Variants in RNLS observed in about 807,000 individuals in gnomAD.
RNLS encodes renalase.
A neutral mutation model predicts 39.8 loss-of-function variants in RNLS; 39 were observed. The ratio of observed to expected loss-of-function variants is 0.98; its 90% CI spans 0.76 to 1.28. RNLS has a LOEUF of 1.28. RNLS is among the 50% of genes most tolerant of loss of function. The pLI is 0.00. For missense variants in RNLS, 410 were observed against 413.3 expected (o/e 0.99, Z 0.07); for synonymous variants, 147 against 150.7 (o/e 0.98, Z 0.18).
At chr10:88,517,900 T>C (rs1412213380) in intron 4 of RNLS, among the ~76,000 whole-genome samples, 1 of 151,962 alleles carries the variant, frequency 6.6e-6, no homozygotes, top group Non-Finnish European at 1.5e-5. Context: ...ATAAATAGAT[T>C]ATAGCTCTGG....
intron 4 of RNLS, among the ~76,000 whole-genome samples, chr10:88,428,646 T>TA (rs200172282): frequency 0.025 from 3,857 of 152,096 alleles, 133 homozygotes; most frequent in South Asian, 0.11. Context: ...AGAGATCCAT[T>TA]ACTTTACCCC....
the RNLS span, among the ~76,000 whole-genome samples, chr10:88,221,141 C>T: frequency 6.6e-6 from 1 of 152,214 alleles, no homozygotes. Flanking sequence ...CCTTTGCAGT[C>T]CCACTTGTCC....
At chr10:88,246,526 T>C in the RNLS span, among the ~76,000 whole-genome samples, 4 of 150,618 alleles carry the variant, frequency 2.7e-5, no homozygotes, top group South Asian at 6.4e-4. Flanking sequence ...TTTGCAGCAG[T>C]TGTTCTGAAC....
At chr10:88,203,564 A>G in the RNLS span, among the ~76,000 whole-genome samples, 1 of 148,528 alleles carries the variant, frequency 6.7e-6, no homozygotes, top group Non-Finnish European at 1.5e-5. Flanking sequence ...TTACATCAGA[A>G]TTACACAGGA....
intron 4 of RNLS, among the ~76,000 whole-genome samples, chr10:88,556,371 C>T (rs779462401): frequency 1.3e-4 from 20 of 152,174 alleles, no homozygotes; most frequent in Non-Finnish European, 2.6e-4. Context: ...TAGTCCATGC[C>T]ACCATCATTT....
chr10:88,196,008 A>G, the RNLS span, among the ~76,000 whole-genome samples: 2 of 152,098 alleles, frequency 1.3e-5, no homozygotes, highest in African/African-American at 2.4e-5. Context: ...TGCAGTTAGG[A>G]TGGCGTCTGT....
At chr10:88,557,003 G>T (rs1318119974) in intron 4 of RNLS, among the ~76,000 whole-genome samples, 3 of 151,836 alleles carry the variant, frequency 2.0e-5, no homozygotes, top group Admixed American at 6.6e-5. Flanking sequence ...TGTACCCAGG[G>T]TGTCTAGAAC....
the RNLS span, among the ~76,000 whole-genome samples, chr10:88,258,002 C>CT: frequency 6.6e-6 from 1 of 152,158 alleles, no homozygotes; most frequent in African/African-American, 2.4e-5. Flanking sequence ...AACACACACC[C>CT]TTTCCCCCAC....
chr10:88,416,432 T>C (rs1854034070), intron 4 of RNLS, among the ~76,000 whole-genome samples: 1 of 151,868 alleles, frequency 6.6e-6, no homozygotes, highest in African/African-American at 2.4e-5. Flanking sequence ...TTCGTATTTT[T>C]AGTAGAGATG....
Position 88,359,698 on chromosome 10 carries a change from A to T in RNLS, c.700+2854T>A, listed in dbSNP as rs762048312. ...ATGATTGCTGATATAAAAAATTTTTAAAATTCTATTATTTCAAATGCTTCC... is the reference window on the plus strand; with the variant it reads ...ATGATTGCTGATATAAAAAATTTTTTAAATTCTATTATTTCAAATGCTTCC... On this transcript the variant is annotated intron_variant, in intron 5 of 6. Transcript: ENST00000331772. Among the ~76,000 whole-genome samples the T allele has an allele frequency of 4.6e-5, 7 of 152,378 alleles. No individual in the cohort carries two copies. In the East Asian group the frequency reaches 5.8e-4, roughly 13 times the overall value.
the RNLS span, among the ~76,000 whole-genome samples, chr10:88,236,615 C>T: frequency 6.6e-6 from 1 of 152,202 alleles, no homozygotes; most frequent in Non-Finnish European, 1.5e-5. Context: ...TTCATTTAGT[C>T]TATTCACACT....
chr10:88,458,234 A>G (rs997736583), intron 4 of RNLS, among the ~76,000 whole-genome samples: 1 of 152,196 alleles, frequency 6.6e-6, no homozygotes, highest in Admixed American at 6.5e-5. Context: ...CCAACTAGGT[A>G]GTGCCACATC....
intron 5 of RNLS, among the ~76,000 whole-genome samples, chr10:88,360,022 T>C (rs1322260898): frequency 6.6e-6 from 1 of 152,256 alleles, no homozygotes; most frequent in Non-Finnish European, 1.5e-5. Flanking sequence ...TACTGAAAGA[T>C]GTTACATCAT....
At chr10:88,465,169 C>A (rs920484963) in intron 4 of RNLS, among the ~76,000 whole-genome samples, 11 of 152,018 alleles carry the variant, frequency 7.2e-5, no homozygotes, top group African/African-American at 2.7e-4. Flanking sequence ...TACTAGTAGG[C>A]AATGAGCCCT....
chr10:88,555,520 A>C (rs181997990), intron 4 of RNLS, among the ~76,000 whole-genome samples: 12 of 152,166 alleles, frequency 7.9e-5, no homozygotes, highest in Admixed American at 2.6e-4. Flanking sequence ...GTGATGCTCC[A>C]GTTCCCCCTT....
At chr10:88,430,543 C>G (rs892190633) in intron 4 of RNLS, among the ~76,000 whole-genome samples, 1 of 151,792 alleles carries the variant, frequency 6.6e-6, no homozygotes, top group East Asian at 1.9e-4. Context: ...AAAGTAGTAA[C>G]AGCAGCCATC....
the RNLS span, among the ~76,000 whole-genome samples, chr10:88,222,823 G>A: frequency 3.3e-5 from 5 of 152,214 alleles, no homozygotes; most frequent in Admixed American, 3.3e-4. Context: ...TTCATCTGCT[G>A]CTGAGGCAAC....
rs190326159 is a variant in RNLS at position 88,397,916 on chromosome 10, C to A, written c.527-35191G>T. ...AGATCAATGAAATAAAATTGAGAGTCCAGAAATAAACCCATATATCTATAG... is the reference window on the plus strand; with the variant it reads ...AGATCAATGAAATAAAATTGAGAGTACAGAAATAAACCCATATATCTATAG... On this transcript the variant is annotated intron_variant, in intron 4 of 6. Transcript: ENST00000331772. 5.9e-5 allele frequency among the ~76,000 whole-genome samples: 9 copies of A among 152,052 alleles called. 1 individual carries two copies. In the East Asian group the frequency reaches 1.7e-3, roughly 29 times the overall value.
intron 4 of RNLS, among the ~76,000 whole-genome samples, chr10:88,421,355 TA>T (rs2133759226): frequency 6.6e-6 from 1 of 152,346 alleles, no homozygotes; most frequent in Admixed American, 6.5e-5. Flanking sequence ...ATGTAGCGTT[TA>T]ATCAGACTAG....
Sources: gnomAD v4.1 joint callset for allele counts (sites outside exome capture counted in the v4.1 genomes callset) on GRCh38, gnomAD v4.1.1 for gene constraint, MANE v1.5 for transcripts, NCBI Gene and HGNC (gene_info 2026-07-23, HGNC 2026-07-21) for gene names.